KLHDC3: variants seen among roughly 807,000 people sequenced by gnomAD.
The protein encoded by KLHDC3 is kelch domain-containing protein 3.
A neutral mutation model predicts 44.1 loss-of-function variants in KLHDC3; 5 were observed. The ratio of observed to expected loss-of-function variants is 0.11; its 90% confidence interval spans 0.06 to 0.24. KLHDC3 has a LOEUF of 0.24. KLHDC3 is among the 10% of genes least tolerant of loss of function. The pLI is 1.00. For synonymous variants in KLHDC3, 170 were observed against 189.0 expected, an observed-to-expected ratio of 0.90 and a Z score of 0.82; for missense variants, 247 against 514.3, an observed-to-expected ratio of 0.48 and a Z score of 5.03.
rs1762690303 is a variant in KLHDC3 at position 43,021,210 on chromosome 6, AT to A, written c.*478del. ...GTCTTGGGGAGGTGGGGACCAGCAGATAAATCCCACCCTTCCTTGAGCTGTC... is the reference window on the plus strand; with the variant it reads ...GTCTTGGGGAGGTGGGGACCAGCAGAAAATCCCACCCTTCCTTGAGCTGTC... On this transcript the variant is annotated 3_prime_UTR_variant, in exon 11 of 11. Transcript: ENST00000326974. The A allele has an allele frequency of 2.4e-5, 10 of 414,076 alleles. No homozygotes were observed. The highest frequency in any genetic ancestry group is 4.4e-5 in the Non-Finnish European group (9 of 206,108). 25.7% of individuals were successfully genotyped at this position (414,076 alleles called of 1,614,324 possible).
intron 1 of KLHDC3, among the ~76,000 whole-genome samples, chr6:43,015,359 A>T (rs1257814163): frequency 6.6e-6 from 1 of 152,108 alleles, no homozygotes; most frequent in Non-Finnish European, 1.5e-5. Context: ...GGCCTCCCTT[A>T]TTTGAGCTGT....
chr6:43,018,726 A>C lies in KLHDC3; in HGVS notation c.820+7A>C. Reference sequence around the variant, plus strand: ...CTCTGGAAGTTTAATCCTGGTAAAGAGCACTGCATTTAGGGCAGGAACAAG... The same window carrying C: ...CTCTGGAAGTTTAATCCTGGTAAAGCGCACTGCATTTAGGGCAGGAACAAG... On this transcript the variant is annotated splice_region_variant and intron_variant, in intron 7 of 10. Transcript: ENST00000326974. The surrounding 1 kb of genome is among the most constrained non-coding windows in gnomAD (Gnocchi z 6.0). 1 of 1,612,298 alleles carries C rather than the reference A, an allele frequency of 6.2e-7. No individual in the cohort carries two copies. The highest frequency in any genetic ancestry group is 8.5e-7 in the Non-Finnish European group (1 of 1,178,328).
chr6:43,015,510 G>C (rs1302791281), intron 1 of KLHDC3, among the ~76,000 whole-genome samples: 1 of 152,078 alleles, frequency 6.6e-6, no homozygotes, highest in Non-Finnish European at 1.5e-5. Context: ...AAAAACCTCA[G>C]ATGTACCCAG....
At chr6:43,014,505 A>G (rs1256098461) in intron 1 of KLHDC3, 157 bp downstream of exon 1, 1 of 480,134 alleles carries the variant, frequency 2.1e-6, no homozygotes, top group South Asian at 1.5e-5. Flanking sequence ...TGGGGAAAGC[A>G]GGGCTAGGGG....
chr6:43,021,270 A>C lies in KLHDC3; in HGVS notation c.*537A>C. ...CTGAAGTTCAGCCAGCTCAGATTTT[A>C]TAAAAATTAATTAAAATCTCCAAAC... is the stretch of plus-strand genomic sequence containing the variant. On this transcript the variant is annotated 3_prime_UTR_variant, in exon 11 of 11. Transcript: ENST00000326974. 1 of 363,602 alleles carries C rather than the reference A, an allele frequency of 2.8e-6. No homozygotes were observed. The highest frequency in any genetic ancestry group is 3.8e-5 in the Admixed American group (1 of 26,400). The allele number at this position is 363,602 out of a possible 1,614,324, so 22.5% of individuals were successfully genotyped here.
intron 1 of KLHDC3, 93 bp downstream of exon 1, chr6:43,014,441 A>G (rs1762505519): frequency 7.7e-6 from 3 of 387,876 alleles, no homozygotes; most frequent in African/African-American, 3.1e-5. Flanking sequence ...CCTGAGAGTG[A>G]TGAGGTGGGG....
intron 10 of KLHDC3, among the ~76,000 whole-genome samples, chr6:43,019,916 C>T (rs998920823): frequency 1.4e-4 from 22 of 152,304 alleles, no homozygotes; most frequent in South Asian, 2.1e-4. Context: ...GTGGCTCATA[C>T]CTGTAATCCC....
intron 1 of KLHDC3, among the ~76,000 whole-genome samples, chr6:43,015,506 C>G (rs1309750862): frequency 6.6e-6 from 1 of 152,130 alleles, no homozygotes; most frequent in Non-Finnish European, 1.5e-5. Flanking sequence ...CTGAAAAAAC[C>G]TCAGATGTAC....
rs766318260 is a variant in KLHDC3 at position 43,018,323 on chromosome 6, ATC to A, written c.520-14_520-13del. 2 of 1,609,398 alleles carry A rather than the reference ATC, an allele frequency of 1.2e-6. No individual in the cohort carries two copies. Among genetic ancestry groups the A allele is most frequent in the Non-Finnish European group, 1.7e-6 (2 of 1,176,674 alleles). On this transcript the variant is annotated intron_variant, in intron 5 of 10. Transcript: ENST00000326974. This position sits in a 1 kb window ranked among gnomAD's most constrained non-coding sequence, Gnocchi z 6.0. ...CAGTCTTTGTGCTGACCCCTCCACC[ATC>A]TCTCTGCCTCTGCCCAGGGCAGCCC...
rs761055438 is a variant in KLHDC3, at chr6:43,019,374, G to A, written c.1082+8G>A. Reference sequence around the variant, plus strand: ...TTTGCCTCATGATATCAGGTACAGCGAGTGGTTGGAAGGGAGGGATTGAGT... The same window carrying A: ...TTTGCCTCATGATATCAGGTACAGCAAGTGGTTGGAAGGGAGGGATTGAGT... On this transcript the variant is annotated splice_region_variant and intron_variant, in intron 10 of 10. Coordinates refer to ENST00000326974, the MANE Select transcript of KLHDC3 (RefSeq NM_057161.4). 10 of 1,602,132 alleles carry A rather than the reference G, an allele frequency of 6.2e-6. 1 individual carries two copies. The highest frequency in any genetic ancestry group is 1.3e-5 in the African/African-American group (1 of 74,580).
chr6:43,019,862 G>A (rs77141545), intron 10 of KLHDC3, among the ~76,000 whole-genome samples: 1,571 of 152,162 alleles, frequency 0.01, 29 homozygotes, highest in African/African-American at 0.036. Context: ...GAGATACTTC[G>A]TCTCTTTGTA....
In KLHDC3 at chr6:43,018,235, T is replaced by C. The variant is rs6926418; in HGVS notation, c.519+19T>C. On this transcript the variant is annotated intron_variant, in intron 5 of 10. Transcript: ENST00000326974. This position sits in a 1 kb window ranked among gnomAD's most constrained non-coding sequence, Gnocchi z 6.0. ...TACAAAGGTCTGCTCTTTCTTTTTT[T>C]TCCCAAATCCCCACCCTCTGTTGAA... 265,461 of 1,594,892 alleles carry C rather than the reference T, an allele frequency of 0.17. 31,463 individuals are homozygous for C. Among genetic ancestry groups the C allele is most frequent in the African/African-American group, 0.61 (45,328 of 74,268 alleles).
intron 1 of KLHDC3, chr6:43,014,568 A>G: frequency 2.2e-6 from 1 of 460,526 alleles, no homozygotes; most frequent in South Asian, 1.5e-5. Context: ...GAAGCAATGA[A>G]GGAAATGGGA....
In KLHDC3 at chr6:43,019,469, G is replaced by A. The variant is rs1177124109; in HGVS notation, c.1082+103G>A. 49 of 777,184 alleles carry A rather than the reference G, an allele frequency of 6.3e-5. No individual in the cohort carries two copies. The East Asian group carries it at 1.2e-3, about 19-fold the overall frequency. 48.1% of individuals were successfully genotyped at this position (777,184 alleles called of 1,614,324 possible). On this transcript the variant is annotated intron_variant, in intron 10 of 10. Coordinates refer to ENST00000326974, the MANE Select transcript of KLHDC3 (RefSeq NM_057161.4). ...CAGTATGGAGGAGACAGACATTTTT[G>A]TTCTGCTGGAGATGTAGTGTACTTG... is the stretch of plus-strand genomic sequence containing the variant.
chr6:43,017,176 A>T lies in KLHDC3; in HGVS notation c.-17A>T. The T allele has an allele frequency of 6.2e-7, 1 of 1,609,248 alleles. No individual in the cohort carries two copies. Among genetic ancestry groups the T allele is most frequent in the Non-Finnish European group, 8.5e-7 (1 of 1,178,630 alleles). Reference sequence around the variant, plus strand: ...CCGTGCCGGGGGGGCATGTTGCTGTAACCAGTGGCCCAGGGGATGTTACGG... The same window carrying T: ...CCGTGCCGGGGGGGCATGTTGCTGTTACCAGTGGCCCAGGGGATGTTACGG... On this transcript the variant is annotated 5_prime_UTR_variant, in exon 2 of 11. It removes the in-frame stop codon of an upstream open reading frame in the 5' UTR. Coordinates refer to ENST00000326974, the MANE Select transcript of KLHDC3 (RefSeq NM_057161.4). This position sits in a 1 kb window ranked among gnomAD's most constrained non-coding sequence, Gnocchi z 6.0.
intron 1 of KLHDC3, 105 bp downstream of exon 1, chr6:43,014,453 TG>T (rs1561857427): frequency 5.1e-6 from 1 of 197,026 alleles, no homozygotes; most frequent in Non-Finnish European, 1.0e-5. Context: ...GAGGTGGGGG[TG>T]GGGAGGGAGC....
At chr6:43,014,471 G>C (rs778394042) in intron 1 of KLHDC3, 123 bp downstream of exon 1, 4 of 521,326 alleles carry the variant, frequency 7.7e-6, no homozygotes, top group South Asian at 4.6e-5. Context: ...GAGCTAGGGG[G>C]ATGATGGGAA....
rs749316486 is a variant in KLHDC3, at chr6:43,018,944, A to G, written c.902A>G (p.Asp301Gly). 1.2e-6 allele frequency: 2 copies of G among 1,612,430 alleles called. No homozygotes were observed. The highest frequency in any genetic ancestry group is 2.2e-5 in the South Asian group (2 of 90,970). The change falls in exon 8 of 11, where the codon GAC becomes GGC. Residue 301 changes from aspartate (D) to glycine (G), a missense_variant. This residue lies in a region of KLHDC3 where 176 missense variants were observed against 413.5 expected (regional missense o/e 0.43). Coordinates refer to ENST00000326974, the MANE Select transcript of KLHDC3 (RefSeq NM_057161.4). This position sits in a 1 kb window ranked among gnomAD's most constrained non-coding sequence, Gnocchi z 6.0. Reference sequence around the variant, plus strand: ...CGCCAGTGCTGCTGTATTGTTGGTGACAAGATTGTCCTCTTTGGGGGTACC... The same window carrying G: ...CGCCAGTGCTGCTGTATTGTTGGTGGCAAGATTGTCCTCTTTGGGGGTACC... ...RRRQCCCIVG[D>G]KIVLFGGTSP...
chr6:43,015,615 C>T (rs899740916), intron 1 of KLHDC3, among the ~76,000 whole-genome samples: 1 of 151,684 alleles, frequency 6.6e-6, no homozygotes. Context: ...TTCAGGAGAC[C>T]GAGGACGGTG....
Sources: allele counts gnomAD v4.1 joint callset (sites outside exome capture counted in the v4.1 genomes callset), GRCh38; gene constraint gnomAD v4.1.1; regional missense constraint gnomAD v4.1.1; non-coding constraint Gnocchi (gnomAD v3.1); transcripts MANE v1.5; gene names NCBI Gene and HGNC (gene_info 2026-07-23, HGNC 2026-07-21).